CHAF1A: variants seen among roughly 807,000 people sequenced by gnomAD.
CHAF1A encodes the protein chromatin assembly factor 1 subunit A.
In CHAF1A, 5 loss-of-function variants were observed where a neutral mutation model predicts 93.2. The ratio of observed to expected loss-of-function variants is 0.05; its 90% CI spans 0.03 to 0.11. CHAF1A has a LOEUF of 0.11. Ranked by LOEUF, CHAF1A falls within the 10% of genes least tolerant of loss-of-function variation. CHAF1A has a pLI of 1.00. For missense variants in CHAF1A, 1,102 were observed against 1,259.9 expected, an observed-to-expected ratio of 0.87 and a Z score of 1.90; for synonymous variants, 504 against 510.3, an observed-to-expected ratio of 0.99 and a Z score of 0.17.
At chr19:4,431,627 C>T (rs1212192116) in intron 11 of CHAF1A, among the ~76,000 whole-genome samples, 1 of 151,998 alleles carries the variant, frequency 6.6e-6, no homozygotes, top group Non-Finnish European at 1.5e-5. Flanking sequence ...GATGCCTGGG[C>T]CATGTGGGTA....
chr19:4,410,004 C>T (rs1973763786), intron 3 of CHAF1A, among the ~76,000 whole-genome samples: 1 of 152,234 alleles, frequency 6.6e-6, no homozygotes, highest in Non-Finnish European at 1.5e-5. Context: ...TAACACCCTG[C>T]TGTTTTGCCT....
At chr19:4,429,299 T>A in intron 8 of CHAF1A, 139 bp from the exon 9 acceptor site, 1 of 970,944 alleles carries the variant, frequency 1.0e-6, no homozygotes. Context: ...GACCTTTCTT[T>A]GGGGACAGGC....
In CHAF1A at chr19:4,422,383, A is replaced by G. The variant is rs1256178740; in HGVS notation, c.1018-183A>G. ...AGGCTGGTCTCAAACTCCTGACCTC[A>G]GGTGATCTACCCACCTCAGCCTCCC... is the stretch of plus-strand genomic sequence containing the variant. On this transcript the variant is annotated intron_variant, in intron 4 of 14. Transcript: ENST00000301280. This position sits in a 1 kb window ranked among gnomAD's most constrained non-coding sequence, Gnocchi z 4.6. Among the ~76,000 whole-genome samples the G allele has an allele frequency of 6.6e-6, 1 of 151,718 alleles. No individual in the cohort carries two copies. Among genetic ancestry groups the G allele is most frequent in the Non-Finnish European group, 1.5e-5 (1 of 67,996 alleles).
intron 6 of CHAF1A, among the ~76,000 whole-genome samples, 158 bp from the exon 7 acceptor site, chr19:4,423,648 G>T (rs1369425103): frequency 6.6e-6 from 1 of 152,224 alleles, no homozygotes; most frequent in Non-Finnish European, 1.5e-5. Flanking sequence ...AGATTGGCTG[G>T]CTCAGTTGCG....
At chr19:4,440,572 T>A (rs1016751630) in intron 13 of CHAF1A, among the ~76,000 whole-genome samples, 18 of 151,626 alleles carry the variant, frequency 1.2e-4, no homozygotes, top group Non-Finnish European at 1.8e-4. Context: ...TCTAAAAAAA[T>A]AATAATAATA....
intron 13 of CHAF1A, among the ~76,000 whole-genome samples, chr19:4,441,747 T>C (rs1479141228): frequency 6.6e-6 from 1 of 151,078 alleles, no homozygotes; most frequent in Non-Finnish European, 1.5e-5. Context: ...CTACTAAAAA[T>C]ACAAACTGGG....
At chr19:4,446,848 C>T (rs78035520), downstream of CHAF1A, 23 of 1,614,060 alleles carry the variant, frequency 1.4e-5, no homozygotes, top group South Asian at 1.5e-4. Context: ...TGATCCTGGG[C>T]GGGAAGCAAC....
chr19:4,406,581 C>T (rs1046576581), intron 2 of CHAF1A, among the ~76,000 whole-genome samples: 3 of 151,940 alleles, frequency 2.0e-5, no homozygotes, highest in East Asian at 1.9e-4. Flanking sequence ...ATTACAGGCG[C>T]GTGCCACCAC....
chr19:4,408,760 C>A, intron 2 of CHAF1A, 143 bp from the exon 3 acceptor site: 1 of 1,060,626 alleles, frequency 9.4e-7, no homozygotes, highest in Non-Finnish European at 1.3e-6. Context: ...AGGCATGAGC[C>A]ACCACACCCG....
In CHAF1A at chr19:4,409,353, A is replaced by C. The variant is rs776340717; in HGVS notation, c.554A>C (p.Glu185Ala). 4 of 1,614,054 alleles carry C rather than the reference A, an allele frequency of 2.5e-6. No homozygotes were observed. The highest frequency in any genetic ancestry group is 1.1e-5 in the South Asian group (1 of 91,080). ...TCAGACATTCCTTGCAAAACAGAGGAGGAGGGTGTTGGCTGTGGAGGTGCA... is the reference window on the plus strand; with the variant it reads ...TCAGACATTCCTTGCAAAACAGAGGCGGAGGGTGTTGGCTGTGGAGGTGCA... ...TLSDIPCKTEEEGVGCGGAGR... is the reference protein window; with the variant it reads ...TLSDIPCKTEAEGVGCGGAGR... The change falls in exon 3 of 15, where the codon GAG (glutamate) becomes GCG (alanine). Residue 185 changes from glutamate (E) to alanine (A), a missense_variant. Glu to Ala is a moderately radical substitution (Grantham distance 107, BLOSUM62 -1). Transcript: ENST00000301280.
At chr19:4,406,042 C>A in intron 2 of CHAF1A, 80 bp downstream of exon 2, 1 of 1,151,366 alleles carries the variant, frequency 8.7e-7, no homozygotes, top group Non-Finnish European at 1.3e-6. Context: ...TCAGTGGAAG[C>A]CTGGAGCTAG....
downstream of CHAF1A, chr19:4,446,946 G>A: frequency 1.1e-5 from 18 of 1,610,440 alleles, no homozygotes; most frequent in Non-Finnish European, 1.5e-5. Flanking sequence ...GGCGTCACTG[G>A]GGGCCCCTGG....
chr19:4,423,479 C>A, intron 6 of CHAF1A, 84 bp downstream of exon 6: 1 of 1,602,688 alleles, frequency 6.2e-7, no homozygotes, highest in Non-Finnish European at 8.5e-7. Flanking sequence ...ACAGCCGTCA[C>A]CTAATATTCT....
At chr19:4,423,160 CTG>C (rs1974020537) in intron 5 of CHAF1A, among the ~76,000 whole-genome samples, 173 bp from the exon 6 acceptor site, 1 of 152,168 alleles carries the variant, frequency 6.6e-6, no homozygotes, top group South Asian at 2.1e-4. Context: ...ATTTTATTGA[CTG>C]TTTTCCATTT....
At position 4,433,116 on chromosome 19, in the gene CHAF1A, C is replaced by G; in HGVS notation, c.2250C>G (p.Ser750Arg). 6.2e-7 allele frequency: 1 copy of G among 1,609,188 alleles called. No homozygotes were observed. Among genetic ancestry groups the G allele is most frequent in the Non-Finnish European group, 8.5e-7 (1 of 1,176,318 alleles). ...TCCTGCACGGCAATGTGAACGGGAG[C>G]AAGGTCATCATCCGGGAGTTCCAGG... Reference protein sequence around the residue: ...LPLLHGNVNGSKVIIREFQEH... With the variant: ...LPLLHGNVNGRKVIIREFQEH... Residue 750 changes from serine (S) to arginine (R), a missense_variant, in exon 13 of 15, where the codon AGC becomes AGG. By Grantham distance (110) the Ser-to-Arg change is moderately radical. Coordinates refer to ENST00000301280, the MANE Select transcript of CHAF1A (RefSeq NM_005483.3). This position sits in a 1 kb window ranked among gnomAD's most constrained non-coding sequence, Gnocchi z 5.6.
At chr19:4,449,769 A>G (rs1022149279), downstream of CHAF1A, 1 of 152,256 alleles carries the variant, frequency 6.6e-6, no homozygotes, top group African/African-American at 2.4e-5. Context: ...CACAGCTGTA[A>G]GCAAAAGACA....
At chr19:4,427,877 C>T (rs576407292) in intron 7 of CHAF1A, among the ~76,000 whole-genome samples, 5 of 151,730 alleles carry the variant, frequency 3.3e-5, no homozygotes, top group East Asian at 2.0e-4. Context: ...CGTGAGCCAC[C>T]GCGCCTGGCC....
chr19:4,430,736 G>C, intron 11 of CHAF1A, 95 bp downstream of exon 11: 1 of 1,314,000 alleles, frequency 7.6e-7, no homozygotes, highest in Non-Finnish European at 1.1e-6. Flanking sequence ...GGGGGTCCCA[G>C]CCCAACCATA....
chr19:4,436,826 C>T (rs1974292096), intron 13 of CHAF1A, among the ~76,000 whole-genome samples: 1 of 152,166 alleles, frequency 6.6e-6, no homozygotes, highest in South Asian at 2.1e-4. Flanking sequence ...TGCTCTTGCT[C>T]CCTGTCAACA....
Sources: allele counts gnomAD v4.1 joint callset (sites outside exome capture counted in the v4.1 genomes callset), GRCh38; gene constraint gnomAD v4.1.1; non-coding constraint Gnocchi (gnomAD v3.1); transcripts MANE v1.5; gene names NCBI Gene and HGNC (gene_info 2026-07-23, HGNC 2026-07-21).